Variants in NKAIN3 observed in about 807,000 individuals in gnomAD.
The protein encoded by NKAIN3 is sodium/potassium-transporting ATPase subunit beta-1-interacting protein 3.
Under a neutral mutation model 30.2 loss-of-function variants are expected in NKAIN3, and 25 were observed. The ratio of observed to expected loss-of-function variants is 0.83; its 90% CI spans 0.60 to 1.16. The LOEUF (loss-of-function observed/expected upper bound fraction) is 1.16, where lower values mean the gene tolerates loss of function less well. Among genes scored for constraint, NKAIN3 ranks in the 50% most tolerant of loss-of-function variants. The probability of loss-of-function intolerance (pLI) is 0.00; values close to 1 mark genes in which losing one functional copy is unlikely to be tolerated. For missense variants in NKAIN3, 225 were observed against 254.1 expected (o/e 0.89, Z 0.78); for synonymous variants, 91 against 89.6 (o/e 1.02, Z -0.09).
rs954814722 is a variant in NKAIN3 at position 62,330,029 on chromosome 8, A to G, written c.54+80902A>G. On this transcript the variant is annotated intron_variant, in intron 1 of 6. Coordinates refer to ENST00000623646, the MANE Select transcript of NKAIN3 (RefSeq NM_001304533.3). The stretch of plus-strand genomic sequence containing the variant: ...TGCAGCACCTATCTCAGTCTTGGTG[A>G]CAAGAACAGCCAAATGAATGAAAGA... Among the ~76,000 whole-genome samples, 3 of 152,076 alleles carry G rather than the reference A, an allele frequency of 2.0e-5. No individual in the cohort carries two copies. In the South Asian group the frequency reaches 6.2e-4, roughly 32 times the overall value.
intron 4 of NKAIN3, among the ~76,000 whole-genome samples, chr8:62,819,408 C>A (rs1473052168): frequency 6.6e-6 from 1 of 151,816 alleles, no homozygotes; most frequent in Non-Finnish European, 1.5e-5. Flanking sequence ...TGTGCTAATT[C>A]TATGTTTGGA....
chr8:62,640,299 A>C (rs537184960), intron 3 of NKAIN3, among the ~76,000 whole-genome samples: 5 of 152,176 alleles, frequency 3.3e-5, no homozygotes, highest in African/African-American at 1.2e-4. Context: ...TCTTCTCATG[A>C]TAGTGAGTTC....
At chr8:62,496,393 T>C (rs1807239890) in intron 1 of NKAIN3, among the ~76,000 whole-genome samples, 2 of 152,134 alleles carry the variant, frequency 1.3e-5, no homozygotes, top group Non-Finnish European at 2.9e-5. Flanking sequence ...ATCTAAATGA[T>C]GTTAAAAGTG....
chr8:62,741,055 C>T (rs1815851265), intron 3 of NKAIN3, among the ~76,000 whole-genome samples: 1 of 150,950 alleles, frequency 6.6e-6, no homozygotes, highest in African/African-American at 2.4e-5. Flanking sequence ...AAATCTTCTC[C>T]TCTTAGTTTC....
intron 1 of NKAIN3, among the ~76,000 whole-genome samples, chr8:62,540,955 TG>T: frequency 6.6e-6 from 1 of 152,272 alleles, no homozygotes; most frequent in Middle Eastern, 3.4e-3. Context: ...ATTTCAAAAT[TG>T]TTTTCCCCTC....
At chr8:62,947,881 C>A (rs1229773269) in intron 5 of NKAIN3, among the ~76,000 whole-genome samples, 1 of 152,214 alleles carries the variant, frequency 6.6e-6, no homozygotes, top group Non-Finnish European at 1.5e-5. Flanking sequence ...TCCCGTGCCC[C>A]AGCTAACATT....
chr8:62,260,272 T>C (rs1407792280), intron 1 of NKAIN3, among the ~76,000 whole-genome samples: 1 of 152,088 alleles, frequency 6.6e-6, no homozygotes, highest in Non-Finnish European at 1.5e-5. Context: ...GTTTAATTGG[T>C]TAATTAAGGT....
intron 1 of NKAIN3, among the ~76,000 whole-genome samples, chr8:62,338,684 G>A (rs748842480): frequency 1.3e-5 from 2 of 151,978 alleles, no homozygotes; most frequent in Non-Finnish European, 2.9e-5. Flanking sequence ...GAGGAGCAAA[G>A]AAAGCCAGTC....
chr8:62,253,429 G>T (rs1812171434), intron 1 of NKAIN3, among the ~76,000 whole-genome samples: 1 of 152,098 alleles, frequency 6.6e-6, no homozygotes, highest in African/African-American at 2.4e-5. Context: ...TTTTAGCCAG[G>T]TGTGGTGAGT....
chr8:62,761,574 T>C (rs1722984175), intron 4 of NKAIN3, among the ~76,000 whole-genome samples: 1 of 152,214 alleles, frequency 6.6e-6, no homozygotes, highest in African/African-American at 2.4e-5. Flanking sequence ...GTTAAATGAA[T>C]TGACTGGATG....
At chr8:62,776,792 A>G (rs1049848848) in intron 4 of NKAIN3, among the ~76,000 whole-genome samples, 13 of 152,142 alleles carry the variant, frequency 8.5e-5, no homozygotes, top group Non-Finnish European at 1.6e-4. Flanking sequence ...ACTTATTATT[A>G]CCAGTGAGAT....
chr8:62,710,802 T>C (rs1397263729), intron 3 of NKAIN3, among the ~76,000 whole-genome samples: 1 of 152,204 alleles, frequency 6.6e-6, no homozygotes, highest in Non-Finnish European at 1.5e-5. Flanking sequence ...TTTTTTGTTT[T>C]TGTTTTTAAC....
At position 62,947,308 on chromosome 8, in the gene NKAIN3, C is replaced by T. The variant is rs144758669; in HGVS notation, c.533-6594C>T. 9.9e-5 allele frequency among the ~76,000 whole-genome samples: 15 copies of T among 152,282 alleles called. No homozygotes were observed. In the East Asian group the frequency reaches 2.9e-3, roughly 29 times the overall value. On this transcript the variant is annotated intron_variant, in intron 5 of 6. Transcript: ENST00000623646. ...GCTCAGTGCCTAGGACTTCCGCACT[C>T]CCGTGACATCTGCTTTGGGGAAACA... is the stretch of plus-strand genomic sequence containing the variant.
rs145794796 is a variant in NKAIN3 at position 62,598,973 on chromosome 8, A to G, written c.273+9179A>G. 5.1e-4 allele frequency among the ~76,000 whole-genome samples: 78 copies of G among 152,138 alleles called. 1 individual carries two copies. Among genetic ancestry groups the G allele is most frequent in the South Asian group, 1.2e-3 (6 of 4,826 alleles). Reference sequence around the variant, plus strand: ...TTGCCACAGGAAGACAGGGTTCAAGATTAGAGGTCTCACTGATTCCATAAG... The same window carrying G: ...TTGCCACAGGAAGACAGGGTTCAAGGTTAGAGGTCTCACTGATTCCATAAG... On this transcript the variant is annotated intron_variant, in intron 3 of 6. Coordinates refer to ENST00000623646, the MANE Select transcript of NKAIN3 (RefSeq NM_001304533.3).
intron 1 of NKAIN3, among the ~76,000 whole-genome samples, chr8:62,500,433 G>GAA (rs1268816033): frequency 3.0e-4 from 13 of 43,696 alleles, no homozygotes; most frequent in Non-Finnish European, 4.3e-4. Flanking sequence ...AGGAAAGAAA[G>GAA]AAAGAAAGAA....
intron 1 of NKAIN3, among the ~76,000 whole-genome samples, chr8:62,546,932 A>G (rs1201841054): frequency 1.3e-5 from 2 of 152,134 alleles, no homozygotes; most frequent in African/African-American, 4.8e-5. Flanking sequence ...TGAACAATGA[A>G]TATTCTATTA....
rs1350962461 is a variant in NKAIN3, at chr8:62,966,949, T to C, written c.*1542T>C. Among the ~76,000 whole-genome samples the C allele has an allele frequency of 1.3e-5, 2 of 152,222 alleles. No individual in the cohort carries two copies. Among genetic ancestry groups the C allele is most frequent in the African/African-American group, 2.4e-5 (1 of 41,450 alleles). The stretch of plus-strand genomic sequence containing the variant: ...GACTCTGTTAAGAATCAGAGTTTAA[T>C]GTGACAAAGTTTGCCTTCATTCCTC... On this transcript the variant is annotated 3_prime_UTR_variant, in exon 7 of 7. Coordinates refer to ENST00000623646, the MANE Select transcript of NKAIN3 (RefSeq NM_001304533.3).
chr8:62,591,699 C>G (rs1326356271), intron 3 of NKAIN3, among the ~76,000 whole-genome samples: 1 of 151,966 alleles, frequency 6.6e-6, no homozygotes, highest in South Asian at 2.1e-4. Flanking sequence ...ACCAAGTATT[C>G]TAGGTCATTA....
At chr8:62,338,778 C>T (rs114829986) in intron 1 of NKAIN3, among the ~76,000 whole-genome samples, 1,918 of 152,046 alleles carry the variant, frequency 0.013, 36 homozygotes, top group African/African-American at 0.044. Context: ...GGCTGGGAGA[C>T]TAGGTCAGTC....
Sources: gnomAD v4.1 joint callset for allele counts (sites outside exome capture counted in the v4.1 genomes callset) on GRCh38, gnomAD v4.1.1 for gene constraint, MANE v1.5 for transcripts, NCBI Gene and HGNC (gene_info 2026-07-23, HGNC 2026-07-21) for gene names.